CNTN3: variants seen among roughly 807,000 people sequenced by gnomAD.
CNTN3 encodes the protein contactin-3.
CNTN3 carries 60 observed loss-of-function variants against 119.1 expected under a neutral mutation model. The ratio of observed to expected loss-of-function variants is 0.50; its 90% confidence interval spans 0.41 to 0.62. CNTN3 has a LOEUF of 0.62. Ranked by LOEUF, CNTN3 falls within the 20% of genes least tolerant of loss-of-function variation. The pLI, the probability that CNTN3 is intolerant of heterozygous loss-of-function variation, is 0.00. For synonymous variants in CNTN3, 450 were observed against 438.7 expected (o/e 1.03, Z -0.32); for missense variants, 1,101 against 1,242.4 (o/e 0.89, Z 1.71).
At chr3:74,609,606 G>A (rs543524238) in intron 1 of CNTN3, among the ~76,000 whole-genome samples, 2 of 152,150 alleles carry the variant, frequency 1.3e-5, no homozygotes, top group Non-Finnish European at 2.9e-5. Context: ...AGTAGCAGGT[G>A]TCCAAGAGAT....
chr3:74,279,636 G>T (rs1468301385), intron 20 of CNTN3, among the ~76,000 whole-genome samples: 2 of 151,532 alleles, frequency 1.3e-5, no homozygotes, highest in Non-Finnish European at 2.9e-5. Flanking sequence ...TCGGGACTTG[G>T]GGGGAAGGTT....
intron 1 of CNTN3, among the ~76,000 whole-genome samples, chr3:74,587,510 C>T (rs536287226): frequency 6.6e-6 from 1 of 152,176 alleles, no homozygotes; most frequent in Non-Finnish European, 1.5e-5. Context: ...GGGCAGATTC[C>T]ATCTGCCACT....
At chr3:74,549,019 G>A (rs555447411) in intron 1 of CNTN3, among the ~76,000 whole-genome samples, 33 of 152,240 alleles carry the variant, frequency 2.2e-4, no homozygotes, top group African/African-American at 7.9e-4. Flanking sequence ...TCCATTATAT[G>A]AACAACATCA....
chr3:74,369,884 CT>C lies in CNTN3; in HGVS notation c.761+4del. On this transcript the variant is annotated splice_donor_region_variant and intron_variant, in intron 7 of 22. Coordinates refer to ENST00000263665, the MANE Select transcript of CNTN3 (RefSeq NM_020872.3). ...GCACATAGGAGTAAATGTTATAAAA[CT>C]TACTTTCCAAGGGCAAAACATTCCA... is the stretch of plus-strand genomic sequence containing the variant. 6.5e-7 allele frequency: 1 copy of C among 1,550,080 alleles called. No homozygotes were observed. The highest frequency in any genetic ancestry group is 8.9e-7 in the Non-Finnish European group (1 of 1,124,840).
At chr3:74,484,113 A>T (rs1029710008) in intron 4 of CNTN3, among the ~76,000 whole-genome samples, 5 of 152,146 alleles carry the variant, frequency 3.3e-5, no homozygotes, top group Admixed American at 6.6e-5. Flanking sequence ...AATGACTCCT[A>T]GAAACAAGGA....
intron 3 of CNTN3, among the ~76,000 whole-genome samples, chr3:74,498,571 C>T (rs1703105460): frequency 2.0e-5 from 3 of 151,772 alleles, no homozygotes; most frequent in Non-Finnish European, 1.5e-5. Context: ...ATCTTGATTA[C>T]TTCCAGATGC....
intron 11 of CNTN3, among the ~76,000 whole-genome samples, chr3:74,346,855 T>C (rs1315062045): frequency 6.6e-6 from 1 of 152,010 alleles, no homozygotes; most frequent in Non-Finnish European, 1.5e-5. Flanking sequence ...CATACTAAAA[T>C]ATAGCACACT....
At chr3:74,382,878 G>T (rs546724605) in intron 5 of CNTN3, among the ~76,000 whole-genome samples, 65 of 152,168 alleles carry the variant, frequency 4.3e-4, no homozygotes, top group Non-Finnish European at 1.8e-4. Flanking sequence ...ATCTTTGATT[G>T]AAAGTAGTTT....
intron 6 of CNTN3, 138 bp downstream of exon 6, chr3:74,371,058 G>T: frequency 3.1e-6 from 2 of 639,690 alleles, no homozygotes; most frequent in Non-Finnish European, 5.6e-6. Flanking sequence ...TTTTGTCATT[G>T]TACTCATAAA....
chr3:74,521,440 AT>A (rs1482394672), intron 1 of CNTN3, among the ~76,000 whole-genome samples: 1 of 151,042 alleles, frequency 6.6e-6, no homozygotes, highest in Non-Finnish European at 1.5e-5. Flanking sequence ...AAAATATTAA[AT>A]TTTAATATAT....
At chr3:74,276,786 A>G (rs1428096023) in intron 20 of CNTN3, among the ~76,000 whole-genome samples, 1 of 152,202 alleles carries the variant, frequency 6.6e-6, no homozygotes, top group Admixed American at 6.5e-5. Flanking sequence ...GCAAAATCAG[A>G]GCAGAACTAA....
At chr3:74,603,050 C>T (rs936406198) in intron 1 of CNTN3, among the ~76,000 whole-genome samples, 1 of 152,142 alleles carries the variant, frequency 6.6e-6, no homozygotes, top group South Asian at 2.1e-4. Context: ...CTCAGCTGAT[C>T]CTTACTCCAG....
In CNTN3 at chr3:74,393,944, A is replaced by T. The variant is rs554975414; in HGVS notation, c.455-22545T>A. 2.3e-3 allele frequency among the ~76,000 whole-genome samples: 343 copies of T among 152,368 alleles called. 1 individual carries two copies. The highest frequency in any genetic ancestry group is 4.1e-3 in the South Asian group (20 of 4,834). On this transcript the variant is annotated intron_variant, in intron 5 of 22. Coordinates refer to ENST00000263665, the MANE Select transcript of CNTN3 (RefSeq NM_020872.3). ...AAAGCACTTAGAGCATCATAAAAGT[A>T]CATTCTATAAAAATCTCAATAACAA...
intron 5 of CNTN3, among the ~76,000 whole-genome samples, chr3:74,400,923 G>A (rs762524538): frequency 2.6e-5 from 4 of 152,124 alleles, no homozygotes; most frequent in Non-Finnish European, 4.4e-5. Flanking sequence ...GAGTTTGTGG[G>A]TCAGTGTTTA....
intron 13 of CNTN3, among the ~76,000 whole-genome samples, chr3:74,316,950 A>G (rs1702845577): frequency 1.3e-5 from 2 of 150,838 alleles, no homozygotes; most frequent in African/African-American, 4.9e-5. Flanking sequence ...AAAGTCTCCC[A>G]TTATTATTGT....
chr3:74,604,627 T>C (rs1704963098), intron 1 of CNTN3, among the ~76,000 whole-genome samples: 1 of 152,044 alleles, frequency 6.6e-6, no homozygotes, highest in South Asian at 2.1e-4. Flanking sequence ...CTTACACTCA[T>C]TAGAACAGGT....
chr3:74,525,051 T>C (rs1703598983), intron 1 of CNTN3, among the ~76,000 whole-genome samples: 1 of 151,782 alleles, frequency 6.6e-6, no homozygotes, highest in African/African-American at 2.4e-5. Flanking sequence ...AAAGGTTAAC[T>C]GCAAGTTTAA....
intron 13 of CNTN3, among the ~76,000 whole-genome samples, chr3:74,329,766 T>TA (rs1250859362): frequency 6.6e-6 from 1 of 152,184 alleles, no homozygotes; most frequent in Non-Finnish European, 1.5e-5. Flanking sequence ...CAGGGGTAAA[T>TA]AATGGAGTAA....
chr3:74,441,465 GAGTGCAATTTTGTACTTC>G (rs749179920), intron 4 of CNTN3, among the ~76,000 whole-genome samples: 9 of 152,272 alleles, frequency 5.9e-5, no homozygotes, highest in Non-Finnish European at 1.2e-4. Flanking sequence ...AGAGAGCAAT[GAGTGCAATTTTGTACTTC>G]AGAAATGCAT....
Sources: gnomAD v4.1 joint callset for allele counts (sites outside exome capture counted in the v4.1 genomes callset) on GRCh38, gnomAD v4.1.1 for gene constraint, MANE v1.5 for transcripts, NCBI Gene and HGNC (gene_info 2026-07-23, HGNC 2026-07-21) for gene names.